The following KATNIP variants were observed in gnomAD, a reference collection of about 807,000 sequenced individuals.
The protein encoded by KATNIP is katanin interacting protein, also known as katanin-interacting protein.
A neutral mutation model predicts 174.0 loss-of-function variants in KATNIP; 126 were observed. That is an observed-to-expected ratio of 0.72 (90% CI 0.63 to 0.84). The LOEUF (loss-of-function observed/expected upper bound fraction) is 0.84, where lower values mean the gene tolerates loss of function less well. Among genes scored for constraint, KATNIP ranks in the 40% least tolerant of loss-of-function variants. KATNIP has a pLI of 0.00. For missense variants in KATNIP, 1,958 were observed against 2,109.7 expected, an observed-to-expected ratio of 0.93 and a Z score of 1.41; for synonymous variants, 810 against 835.7, an observed-to-expected ratio of 0.97 and a Z score of 0.53.
At chr16:27,630,717 C>G (rs1176656921) in intron 4 of KATNIP, among the ~76,000 whole-genome samples, 6 of 152,228 alleles carry the variant, frequency 3.9e-5, no homozygotes. Flanking sequence ...ACCCTCTACA[C>G]TCTTTTACAC....
At chr16:27,654,792 C>T (rs1378240720) in intron 6 of KATNIP, 1 of 1,341,478 alleles carries the variant, frequency 7.5e-7, no homozygotes, top group Non-Finnish European at 9.9e-7. Context: ...TTTCCGTAGC[C>T]AAGCAGCTGT....
chr16:27,584,016 C>T (rs191504245), intron 2 of KATNIP, among the ~76,000 whole-genome samples: 1 of 152,204 alleles, frequency 6.6e-6, no homozygotes, highest in East Asian at 1.9e-4. Flanking sequence ...GCTCATCACT[C>T]ACCCAAGCAG....
At chr16:27,586,411 C>A (rs1245034226) in intron 2 of KATNIP, among the ~76,000 whole-genome samples, 2 of 151,730 alleles carry the variant, frequency 1.3e-5, no homozygotes, top group Non-Finnish European at 2.9e-5. Flanking sequence ...AGTTTGAGGC[C>A]AGCCTGGCAA....
chr16:27,773,331 G>A (rs1017279117), intron 23 of KATNIP, 122 bp downstream of exon 23: 2 of 648,256 alleles, frequency 3.1e-6, no homozygotes, highest in East Asian at 2.8e-5. Flanking sequence ...AGCCCAGGGG[G>A]CTTTGCTTAT....
chr16:27,707,501 T>C (rs2079368249), intron 12 of KATNIP, among the ~76,000 whole-genome samples: 1 of 152,222 alleles, frequency 6.6e-6, no homozygotes, highest in African/African-American at 2.4e-5. Flanking sequence ...TCTTAGGTAT[T>C]GATATCTTGT....
In KATNIP at chr16:27,595,668, T is replaced by A. The variant is rs1272084736; in HGVS notation, c.63+21712T>A. Among the ~76,000 whole-genome samples the A allele has an allele frequency of 3.3e-5, 5 of 151,952 alleles. No homozygotes were observed. In the East Asian group the frequency reaches 9.6e-4, roughly 29 times the overall value. The stretch of plus-strand genomic sequence containing the variant: ...CAGCAGTGAACAAAATAAACACAAA[T>A]CCATGCCCCTGTAGAGCTTATGTGC... On this transcript the variant is annotated intron_variant, in intron 2 of 27. Coordinates refer to ENST00000261588, the MANE Select transcript of KATNIP (RefSeq NM_015202.5).
chr16:27,770,873 C>T (rs1180916380), intron 21 of KATNIP, among the ~76,000 whole-genome samples: 1 of 152,208 alleles, frequency 6.6e-6, no homozygotes, highest in African/African-American at 2.4e-5. Context: ...CAGGGCTGTG[C>T]CTGCCTTCCA....
At chr16:27,604,568 C>T (rs1490612525) in intron 2 of KATNIP, among the ~76,000 whole-genome samples, 5 of 152,154 alleles carry the variant, frequency 3.3e-5, no homozygotes, top group Admixed American at 6.5e-5. Flanking sequence ...GTCTTCCTTT[C>T]GCTAGAATGT....
intron 8 of KATNIP, among the ~76,000 whole-genome samples, chr16:27,686,613 A>G (rs1478025672): frequency 6.6e-6 from 1 of 152,128 alleles, no homozygotes; most frequent in Non-Finnish European, 1.5e-5. Context: ...TACATCTACT[A>G]TCTTATTGTT....
chr16:27,684,245 G>A (rs1464709810), intron 8 of KATNIP, among the ~76,000 whole-genome samples: 1 of 152,196 alleles, frequency 6.6e-6, no homozygotes, highest in African/African-American at 2.4e-5. Context: ...GCACAGAGAG[G>A]TTAAGGAATC....
At chr16:27,640,892 T>G (rs1449614020) in intron 5 of KATNIP, among the ~76,000 whole-genome samples, 1 of 151,892 alleles carries the variant, frequency 6.6e-6, no homozygotes. Flanking sequence ...TCCCAGCACT[T>G]TGGGGGGCCG....
chr16:27,591,617 T>C (rs543856086), intron 2 of KATNIP, among the ~76,000 whole-genome samples: 1 of 152,322 alleles, frequency 6.6e-6, no homozygotes, highest in East Asian at 1.9e-4. Context: ...ACTTATCTCC[T>C]AGGGTTAATG....
At chr16:27,712,085 T>C (rs902107158) in intron 13 of KATNIP, among the ~76,000 whole-genome samples, 2 of 152,270 alleles carry the variant, frequency 1.3e-5, no homozygotes, top group Non-Finnish European at 2.9e-5. Flanking sequence ...CTGGATTTGA[T>C]GGGGACCAAT....
At chr16:27,618,579 C>G in intron 3 of KATNIP, 78 bp downstream of exon 3, 2 of 1,004,842 alleles carry the variant, frequency 2.0e-6, no homozygotes, top group Non-Finnish European at 3.1e-6. Flanking sequence ...AGCAGGCAGG[C>G]CCTGCCTCAC....
intron 15 of KATNIP, among the ~76,000 whole-genome samples, chr16:27,747,471 G>A (rs1337574108): frequency 2.0e-5 from 3 of 152,138 alleles, no homozygotes; most frequent in East Asian, 1.9e-4. Context: ...TGTTCTCGGT[G>A]TTGGCTTCAT....
intron 15 of KATNIP, among the ~76,000 whole-genome samples, chr16:27,744,898 GA>G (rs1244040934): frequency 1.3e-5 from 2 of 152,052 alleles, no homozygotes; most frequent in African/African-American, 4.8e-5. Context: ...CTGGGTGACA[GA>G]ATGAGACTCT....
At chr16:27,726,905 G>A (rs1242894939) in intron 14 of KATNIP, among the ~76,000 whole-genome samples, 1 of 152,198 alleles carries the variant, frequency 6.6e-6, no homozygotes, top group African/African-American at 2.4e-5. Flanking sequence ...CCAGAGGGAG[G>A]TGGGGACCAG....
At chr16:27,600,730 C>T (rs2075492600) in intron 2 of KATNIP, among the ~76,000 whole-genome samples, 1 of 151,340 alleles carries the variant, frequency 6.6e-6, no homozygotes, top group African/African-American at 2.4e-5. Context: ...CAGCTGCCTC[C>T]TCTTTTTTTT....
chr16:27,604,533 CTG>C (rs2075640536), intron 2 of KATNIP, among the ~76,000 whole-genome samples: 1 of 152,200 alleles, frequency 6.6e-6, no homozygotes, highest in South Asian at 2.1e-4. Flanking sequence ...CCGCACTCGA[CTG>C]TCTTACTTTT....
Sources: gnomAD v4.1 joint callset for allele counts (sites outside exome capture counted in the v4.1 genomes callset) on GRCh38, gnomAD v4.1.1 for gene constraint, MANE v1.5 for transcripts, NCBI Gene and HGNC (gene_info 2026-07-23, HGNC 2026-07-21) for gene names.